Variants in GFRA1 observed in about 807,000 individuals in gnomAD.
GFRA1 encodes the protein GDNF family receptor alpha 1.
GFRA1 carries 16 observed loss-of-function variants against 51.6 expected under a neutral mutation model. The observed-to-expected ratio is 0.31, with a 90% CI of 0.21 to 0.47. The LOEUF (loss-of-function observed/expected upper bound fraction) is 0.47. Among genes scored for constraint, GFRA1 ranks in the 20% least tolerant of loss-of-function variants. The pLI is 1.00. For synonymous variants in GFRA1, 270 were observed against 241.3 expected (o/e 1.12, Z -1.10); for missense variants, 530 against 594.3 (o/e 0.89, Z 1.13).
At chr10:116,161,509 T>A (rs1959791023) in intron 5 of GFRA1, among the ~76,000 whole-genome samples, 1 of 152,210 alleles carries the variant, frequency 6.6e-6, no homozygotes, top group African/African-American at 2.4e-5. Flanking sequence ...ATGGTTTGTC[T>A]GTGTCCCCAC....
At chr10:116,256,275 T>C (rs993416154) in intron 4 of GFRA1, among the ~76,000 whole-genome samples, 3 of 152,184 alleles carry the variant, frequency 2.0e-5, no homozygotes, top group African/African-American at 7.2e-5. Flanking sequence ...CTTGCCACCG[T>C]GCTACTCTGC....
intron 4 of GFRA1, among the ~76,000 whole-genome samples, chr10:116,219,943 C>T (rs1965811678): frequency 6.6e-6 from 1 of 152,132 alleles, no homozygotes; most frequent in South Asian, 2.1e-4. Context: ...CCTGGGATTC[C>T]GTTCTTCCAT....
intron 4 of GFRA1, among the ~76,000 whole-genome samples, chr10:116,239,692 T>C (rs1179772440): frequency 6.6e-6 from 1 of 152,176 alleles, no homozygotes; most frequent in Non-Finnish European, 1.5e-5. Context: ...ACAGTAATAA[T>C]TAAAATTATT....
At chr10:116,259,927 C>T (rs1969174298) in intron 4 of GFRA1, among the ~76,000 whole-genome samples, 1 of 152,160 alleles carries the variant, frequency 6.6e-6, no homozygotes. Flanking sequence ...GAAAAGGCAG[C>T]TTAGTGCAGG....
intron 5 of GFRA1, among the ~76,000 whole-genome samples, chr10:116,189,535 T>C (rs1483602444): frequency 6.6e-6 from 1 of 152,212 alleles, no homozygotes; most frequent in African/African-American, 2.4e-5. Context: ...ACATTTACAT[T>C]TGTCACTAGA....
At chr10:116,261,577 C>G (rs116631660) in intron 4 of GFRA1, among the ~76,000 whole-genome samples, 1,670 of 152,164 alleles carry the variant, frequency 0.011, 26 homozygotes, top group African/African-American at 0.038. Flanking sequence ...TCCATGTATT[C>G]AAATAAGATG....
intron 5 of GFRA1, among the ~76,000 whole-genome samples, chr10:116,127,283 A>G (rs973231673): frequency 1.3e-5 from 2 of 152,218 alleles, no homozygotes; most frequent in African/African-American, 4.8e-5. Context: ...GATTAAAAAT[A>G]TTGTACATAA....
chr10:116,075,142 C>T (rs1184857436), intron 9 of GFRA1, among the ~76,000 whole-genome samples: 1 of 152,092 alleles, frequency 6.6e-6, no homozygotes. Context: ...ATGGCTTTTC[C>T]CATAATGCAC....
At chr10:116,145,266 T>A in intron 5 of GFRA1, among the ~76,000 whole-genome samples, 1 of 145,118 alleles carries the variant, frequency 6.9e-6, no homozygotes, top group Non-Finnish European at 1.5e-5. Context: ...ACTCACAAAG[T>A]GACAAAATAA....
chr10:116,153,483 A>C (rs1359746908), intron 5 of GFRA1, among the ~76,000 whole-genome samples: 2 of 152,218 alleles, frequency 1.3e-5, no homozygotes, highest in Non-Finnish European at 2.9e-5. Flanking sequence ...AAATGACCCC[A>C]GAGTTCCTGA....
chr10:116,086,546 G>A lies in GFRA1; in HGVS notation c.1197+3195C>T, dbSNP rs1245208332. Among the ~76,000 whole-genome samples, 3 of 152,166 alleles carry A rather than the reference G, an allele frequency of 2.0e-5. No homozygotes were observed. The East Asian group carries it at 5.8e-4, about 29-fold the overall frequency. On this transcript the variant is annotated intron_variant, in intron 9 of 10. Coordinates refer to ENST00000355422, the MANE Select transcript of GFRA1 (RefSeq NM_005264.8). ...TGAAATGGGCTTGGCTGCCTCCCCT[G>A]CCCTTATCCCTTATTCCCTGCCTCA...
At chr10:116,258,841 G>A (rs2134746679) in intron 4 of GFRA1, among the ~76,000 whole-genome samples, 1 of 152,292 alleles carries the variant, frequency 6.6e-6, no homozygotes, top group African/African-American at 2.4e-5. Flanking sequence ...GCAACTCACA[G>A]CTGCTGTAAT....
At chr10:116,229,101 G>A (rs532795207) in intron 4 of GFRA1, among the ~76,000 whole-genome samples, 1 of 151,470 alleles carries the variant, frequency 6.6e-6, no homozygotes, top group African/African-American at 2.4e-5. Context: ...GACTCCTCGA[G>A]TTTAGTCTAG....
intron 9 of GFRA1, among the ~76,000 whole-genome samples, chr10:116,072,774 A>C (rs547070095): frequency 1.3e-5 from 2 of 152,082 alleles, no homozygotes; most frequent in African/African-American, 4.8e-5. Flanking sequence ...ACAAAACAAA[A>C]CAAAACAAAA....
chr10:116,083,943 G>A (rs1422824775), intron 9 of GFRA1, among the ~76,000 whole-genome samples: 2 of 150,642 alleles, frequency 1.3e-5, no homozygotes, highest in Non-Finnish European at 3.0e-5. Flanking sequence ...ACAAGTACCT[G>A]TTTTCTAAGC....
intron 6 of GFRA1, among the ~76,000 whole-genome samples, chr10:116,124,238 T>G (rs1451770501): frequency 6.8e-6 from 1 of 147,858 alleles, no homozygotes; most frequent in South Asian, 2.1e-4. Flanking sequence ...TCTTCTTCTT[T>G]TTTTTTTTAA....
Position 116,077,254 on chromosome 10 carries a change from AAG to A in GFRA1, c.1198-11630_1198-11629del, listed in dbSNP as rs1955658435. ...GATTAGGGATAAAAGAGTTTTTAAA[AAG>A]AGAAAAATTATTATAATTTAGAGAT... On this transcript the variant is annotated intron_variant, in intron 9 of 10. Transcript: ENST00000355422. 2.0e-5 allele frequency among the ~76,000 whole-genome samples: 3 copies of A among 152,176 alleles called. No individual in the cohort carries two copies. The South Asian group carries it at 6.2e-4, about 32-fold the overall frequency.
intron 5 of GFRA1, among the ~76,000 whole-genome samples, chr10:116,133,824 G>A (rs1436809394): frequency 6.6e-6 from 1 of 152,216 alleles, no homozygotes; most frequent in Non-Finnish European, 1.5e-5. Flanking sequence ...CCAACACAGC[G>A]AGATGTGGAA....
chr10:116,093,304 G>A (rs1003454200), intron 8 of GFRA1, among the ~76,000 whole-genome samples: 32 of 152,102 alleles, frequency 2.1e-4, no homozygotes, highest in African/African-American at 7.2e-4. Flanking sequence ...TGTATATTCC[G>A]CCCAGGTTTC....
Sources: allele counts gnomAD v4.1 joint callset (sites outside exome capture counted in the v4.1 genomes callset), GRCh38; gene constraint gnomAD v4.1.1; transcripts MANE v1.5; gene names NCBI Gene and HGNC (gene_info 2026-07-23, HGNC 2026-07-21).